CDH13: variants seen among roughly 807,000 people sequenced by gnomAD.
CDH13 encodes cadherin 13.
CDH13 carries 24 observed loss-of-function variants against 63.8 expected under a neutral mutation model. The observed-to-expected ratio is 0.38, with a 90% confidence interval of 0.27 to 0.53. The LOEUF is 0.53. CDH13 is among the 20% of genes least tolerant of loss of function. CDH13 has a pLI of 0.85. For missense variants in CDH13, 1,049 were observed against 903.1 expected, an observed-to-expected ratio of 1.16 and a Z score of -2.07; for synonymous variants, 503 against 355.3, an observed-to-expected ratio of 1.42 and a Z score of -4.67.
chr16:83,307,101 C>T (rs1038923860), intron 5 of CDH13, among the ~76,000 whole-genome samples: 4 of 152,154 alleles, frequency 2.6e-5, no homozygotes, highest in Non-Finnish European at 4.4e-5. Context: ...TCAGGAAAAA[C>T]TTGTGGTAAC....
At position 83,419,229 on chromosome 16, in the gene CDH13, T is replaced by C. The variant is rs111240028; in HGVS notation, c.782-67248T>C. 5.5e-3 allele frequency among the ~76,000 whole-genome samples: 830 copies of C among 152,254 alleles called. 14 individuals carry two copies. The highest frequency in any genetic ancestry group is 0.019 in the African/African-American group (804 of 41,548). The stretch of plus-strand genomic sequence containing the variant: ...GTAACCAGATTTTTGAGTCTACATA[T>C]AGGTTTACTGAGATGACATTTACTT... On this transcript the variant is annotated intron_variant, in intron 6 of 13. Coordinates refer to ENST00000567109, the MANE Select transcript of CDH13 (RefSeq NM_001257.5).
chr16:83,586,759 T>C (rs1158397199), intron 7 of CDH13, among the ~76,000 whole-genome samples: 1 of 152,146 alleles, frequency 6.6e-6, no homozygotes, highest in Admixed American at 6.5e-5. Context: ...GTACCAGGCA[T>C]AAAATCACGG....
intron 5 of CDH13, among the ~76,000 whole-genome samples, chr16:83,269,292 G>C (rs1260407193): frequency 6.6e-6 from 1 of 152,072 alleles, no homozygotes; most frequent in Non-Finnish European, 1.5e-5. Flanking sequence ...CTAAAGTGGG[G>C]GGCAGATCCT....
chr16:82,740,489 C>T lies in CDH13; in HGVS notation c.45+113352C>T, dbSNP rs570438864. 1.1e-4 allele frequency among the ~76,000 whole-genome samples: 17 copies of T among 152,262 alleles called. No homozygotes were observed. The East Asian group carries it at 1.3e-3, about 12-fold the overall frequency. The stretch of plus-strand genomic sequence containing the variant: ...GGAATATGCCAGTGTATCGGTTAGC[C>T]GTTCCTATAATAATGCTGCATAACA... On this transcript the variant is annotated intron_variant, in intron 1 of 13. Coordinates refer to ENST00000567109, the MANE Select transcript of CDH13 (RefSeq NM_001257.5).
intron 4 of CDH13, among the ~76,000 whole-genome samples, chr16:83,204,861 T>G (rs985387789): frequency 6.6e-6 from 1 of 152,190 alleles, no homozygotes; most frequent in Non-Finnish European, 1.5e-5. Flanking sequence ...CTGGTCACCA[T>G]GAGGAAGGAA....
chr16:82,655,136 A>G (rs1290902618), intron 1 of CDH13, among the ~76,000 whole-genome samples: 1 of 152,198 alleles, frequency 6.6e-6, no homozygotes, highest in Non-Finnish European at 1.5e-5. Context: ...CATTTTCCCA[A>G]CACATTTACT....
intron 4 of CDH13, among the ~76,000 whole-genome samples, chr16:83,132,208 C>T (rs1597389948): frequency 6.6e-6 from 1 of 152,212 alleles, no homozygotes; most frequent in Non-Finnish European, 1.5e-5. Flanking sequence ...GGTACTGAAG[C>T]CCCAGCACCT....
chr16:82,953,901 C>T (rs941214161), intron 2 of CDH13: 1 of 152,188 alleles, frequency 6.6e-6, no homozygotes, highest in African/African-American at 2.4e-5. Flanking sequence ...AGACATAGTG[C>T]TGAAATGCTC....
chr16:82,974,652 A>G (rs1436893058), intron 2 of CDH13, among the ~76,000 whole-genome samples: 4 of 152,140 alleles, frequency 2.6e-5, no homozygotes, highest in Admixed American at 2.0e-4. Context: ...GTATAATCAC[A>G]AGGGTCCTTA....
chr16:82,821,405 G>A (rs1275314658), intron 1 of CDH13, among the ~76,000 whole-genome samples: 1 of 152,214 alleles, frequency 6.6e-6, no homozygotes, highest in African/African-American at 2.4e-5. Flanking sequence ...CAGGCTTGAA[G>A]TTGGCCTATG....
rs535199897 is a variant in CDH13 at position 82,679,103 on chromosome 16, G to C, written c.45+51966G>C. Among the ~76,000 whole-genome samples the C allele has an allele frequency of 7.2e-5, 11 of 152,306 alleles. No individual in the cohort carries two copies. In the East Asian group the frequency reaches 2.1e-3, roughly 29 times the overall value. On this transcript the variant is annotated intron_variant, in intron 1 of 13. Transcript: ENST00000567109. ...TAGGACACGGTTCCCATTATCCATG[G>C]GTCAAAGCTTGCCCGAGGAACGCCA...
chr16:83,352,159 T>G lies in CDH13; in HGVS notation c.781+7153T>G, dbSNP rs116513209. On this transcript the variant is annotated intron_variant, in intron 6 of 13. Transcript: ENST00000567109. ...GACAGCACTTGAGTTATGGTACAAT[T>G]CACTGTAAATGTGTTTTATGGTCGC... Among the ~76,000 whole-genome samples, 783 of 152,028 alleles carry G rather than the reference T, an allele frequency of 5.2e-3. 4 individuals are homozygous for G. Among genetic ancestry groups the G allele is most frequent in the African/African-American group, 0.018 (745 of 41,434 alleles).
At chr16:83,245,305 C>T (rs1001466506) in intron 5 of CDH13, among the ~76,000 whole-genome samples, 1 of 152,200 alleles carries the variant, frequency 6.6e-6, no homozygotes, top group Non-Finnish European at 1.5e-5. Context: ...GGGGAAATGA[C>T]ATCAGTCCTA....
At chr16:82,634,123 G>C (rs1908361905) in intron 1 of CDH13, among the ~76,000 whole-genome samples, 1 of 152,220 alleles carries the variant, frequency 6.6e-6, no homozygotes, top group South Asian at 2.1e-4. Context: ...GCCCGGGCTG[G>C]GGCGGAGGGC....
rs549590536 is a variant in CDH13, at chr16:83,093,294, C to CT, written c.367-32053dup. Among the ~76,000 whole-genome samples, 133 of 35,324 alleles carry CT rather than the reference C, an allele frequency of 3.8e-3. 40 individuals carry two copies. Among genetic ancestry groups the CT allele is most frequent in the Middle Eastern group, 0.031 (1 of 32 alleles). The allele number at this position is 35,324 out of a possible 152,430, so 23.2% of individuals were successfully genotyped here. On this transcript the variant is annotated intron_variant, in intron 3 of 13. Coordinates refer to ENST00000567109, the MANE Select transcript of CDH13 (RefSeq NM_001257.5). ...TTGTCCTGTGGAAACACCATAAGTA[C>CT]TTTTTTTTTTTTTTTTTTTTTTTTT...
chr16:82,972,094 G>A (rs1168982641), intron 2 of CDH13, among the ~76,000 whole-genome samples: 2 of 152,204 alleles, frequency 1.3e-5, no homozygotes, highest in Admixed American at 6.5e-5. Context: ...CTACCCAAGT[G>A]AAGCAGTGTA....
intron 6 of CDH13, among the ~76,000 whole-genome samples, chr16:83,360,365 A>G (rs2091138692): frequency 6.6e-6 from 1 of 152,202 alleles, no homozygotes. Flanking sequence ...GCAGGGCTCA[A>G]TATATGGGAG....
chr16:82,905,202 C>T (rs2041601182), intron 2 of CDH13, among the ~76,000 whole-genome samples: 1 of 152,104 alleles, frequency 6.6e-6, no homozygotes. Context: ...GCTTGAGAAT[C>T]GCGATTATAT....
chr16:83,270,700 G>T (rs1294049059), intron 5 of CDH13, among the ~76,000 whole-genome samples: 1 of 152,070 alleles, frequency 6.6e-6, no homozygotes, highest in Non-Finnish European at 1.5e-5. Context: ...TATTTTTCAA[G>T]ACACGTTCCT....
Sources: allele counts gnomAD v4.1 joint callset (sites outside exome capture counted in the v4.1 genomes callset), GRCh38; gene constraint gnomAD v4.1.1; transcripts MANE v1.5; gene names NCBI Gene and HGNC (gene_info 2026-07-23, HGNC 2026-07-21).